The following GRID2 variants were observed in gnomAD, a reference collection of about 807,000 sequenced individuals.
GRID2 encodes glutamate ionotropic receptor delta type subunit 2.
A neutral mutation model predicts 114.8 loss-of-function variants in GRID2; 33 were observed. That is an observed-to-expected ratio of 0.29 (90% confidence interval 0.22 to 0.38). The LOEUF (loss-of-function observed/expected upper bound fraction) is 0.38. Among genes scored for constraint, GRID2 ranks in the 10% least tolerant of loss-of-function variants. The pLI, the probability that GRID2 is intolerant of heterozygous loss-of-function variation, is 1.00. For synonymous variants in GRID2, 505 were observed against 449.9 expected (o/e 1.12, Z -1.55); for missense variants, 1,184 against 1,257.7 (o/e 0.94, Z 0.89).
At chr4:92,713,476 C>CATATATATATATATAT (rs10593127) in intron 2 of GRID2, among the ~76,000 whole-genome samples, 12 of 54,030 alleles carry the variant, frequency 2.2e-4, no homozygotes, top group African/African-American at 2.1e-4. Flanking sequence ...TATACATATA[C>CATATATATATATATAT]ATATATATAT....
intron 2 of GRID2, among the ~76,000 whole-genome samples, chr4:93,051,907 G>T (rs577726834): frequency 6.6e-6 from 1 of 151,558 alleles, no homozygotes; most frequent in African/African-American, 2.4e-5. Context: ...TTATTTTGTA[G>T]GTAGTGTTTT....
intron 4 of GRID2, among the ~76,000 whole-genome samples, chr4:93,128,112 C>T (rs538957105): frequency 7.4e-6 from 1 of 134,518 alleles, no homozygotes; most frequent in Admixed American, 7.9e-5. Context: ...GTGAAAAAGT[C>T]AACTTAACCT....
At chr4:93,762,781 A>G (rs1733322316) in intron 14 of GRID2, among the ~76,000 whole-genome samples, 1 of 152,096 alleles carries the variant, frequency 6.6e-6, no homozygotes, top group Admixed American at 6.6e-5. Context: ...CAGGTTCAAT[A>G]ATCATTCCCA....
chr4:93,003,647 T>G (rs575007159), intron 2 of GRID2, among the ~76,000 whole-genome samples: 1 of 152,086 alleles, frequency 6.6e-6, no homozygotes, highest in East Asian at 1.9e-4. Context: ...TTAATAGCGG[T>G]GCTGGTGTCA....
At chr4:93,067,877 G>A (rs1020612274) in intron 2 of GRID2, among the ~76,000 whole-genome samples, 1 of 151,924 alleles carries the variant, frequency 6.6e-6, no homozygotes. Flanking sequence ...TCATATTACA[G>A]CATGTGTCCT....
chr4:92,537,787 GTGTGTGTGTGTGTGTGTGTGTGTGT>G (rs1725725250), intron 1 of GRID2, among the ~76,000 whole-genome samples: 11 of 102,546 alleles, frequency 1.1e-4, no homozygotes, highest in Admixed American at 3.4e-4. Context: ...AACTTGCGGT[GTGTGTGTGTGTGTGTGTGTGTGTGT>G]GTGTGTGTGT....
At chr4:93,405,679 G>T (rs371191518) in intron 9 of GRID2, among the ~76,000 whole-genome samples, 2 of 152,036 alleles carry the variant, frequency 1.3e-5, no homozygotes, top group South Asian at 4.1e-4. Context: ...TATTCTAACC[G>T]AAATTACATG....
intron 2 of GRID2, among the ~76,000 whole-genome samples, chr4:92,789,277 G>A (rs555461592): frequency 6.6e-6 from 1 of 151,754 alleles, no homozygotes; most frequent in Non-Finnish European, 1.5e-5. Context: ...CTATAATGTG[G>A]CTGAGAATTG....
intron 2 of GRID2, among the ~76,000 whole-genome samples, chr4:93,010,107 A>T (rs993906852): frequency 2.0e-5 from 3 of 152,016 alleles, no homozygotes; most frequent in African/African-American, 7.2e-5. Flanking sequence ...GCCACTTTTG[A>T]TATGCGTAGT....
chr4:92,867,595 T>G (rs1449831095), intron 2 of GRID2, among the ~76,000 whole-genome samples: 1 of 152,072 alleles, frequency 6.6e-6, no homozygotes, highest in African/African-American at 2.4e-5. Flanking sequence ...TTTTTTTTTT[T>G]TTGCATGTCA....
intron 1 of GRID2, among the ~76,000 whole-genome samples, chr4:92,360,163 A>G (rs1728543644): frequency 6.6e-6 from 1 of 151,992 alleles, no homozygotes; most frequent in Non-Finnish European, 1.5e-5. Context: ...TTTATAAGCA[A>G]TACATTGGCT....
intron 8 of GRID2, among the ~76,000 whole-genome samples, chr4:93,251,577 G>C (rs1748935158): frequency 1.3e-5 from 2 of 152,134 alleles, no homozygotes; most frequent in African/African-American, 4.8e-5. Context: ...CATGTCATGA[G>C]GGTTTGTTGT....
chr4:92,847,802 A>G (rs1743448633), intron 2 of GRID2, among the ~76,000 whole-genome samples: 1 of 152,064 alleles, frequency 6.6e-6, no homozygotes, highest in Admixed American at 6.6e-5. Context: ...TGGCAAACGA[A>G]CAAATCGTGT....
intron 14 of GRID2, among the ~76,000 whole-genome samples, chr4:93,674,023 AC>A (rs1490530538): frequency 6.8e-6 from 1 of 146,580 alleles, no homozygotes; most frequent in African/African-American, 2.5e-5. Flanking sequence ...TCTTTTCTTG[AC>A]CCCCACATTG....
At chr4:92,413,623 G>A (rs1345411222) in intron 1 of GRID2, among the ~76,000 whole-genome samples, 1 of 152,140 alleles carries the variant, frequency 6.6e-6, no homozygotes, top group Non-Finnish European at 1.5e-5. Flanking sequence ...TATGGAAAGT[G>A]TTTGGGAAGG....
chr4:92,682,923 G>T (rs1258793580), intron 2 of GRID2, among the ~76,000 whole-genome samples: 3 of 152,052 alleles, frequency 2.0e-5, no homozygotes, highest in African/African-American at 7.2e-5. Context: ...TCTTATGCTT[G>T]TAGCCACAGG....
intron 13 of GRID2, among the ~76,000 whole-genome samples, chr4:93,588,890 T>C (rs990029330): frequency 3.9e-5 from 6 of 152,060 alleles, no homozygotes; most frequent in Non-Finnish European, 8.8e-5. Flanking sequence ...AAGCAGCAGG[T>C]TCCTGATTTT....
chr4:92,757,422 A>T (rs1560575001), intron 2 of GRID2, among the ~76,000 whole-genome samples: 1 of 152,146 alleles, frequency 6.6e-6, no homozygotes, highest in African/African-American at 2.4e-5. Context: ...GTTGACAAAA[A>T]TATTTATTCA....
rs1349882080 is a variant in GRID2, at chr4:92,949,047, T to C, written c.245-135948T>C. Among the ~76,000 whole-genome samples, 3 of 151,720 alleles carry C rather than the reference T, an allele frequency of 2.0e-5. No homozygotes were observed. The East Asian group carries it at 5.8e-4, about 29-fold the overall frequency. ...TGCTTTTCTCTTAGTTGAATAACAG[T>C]ATCAGTCCTATAAGCATGTAATGAT... On this transcript the variant is annotated intron_variant, in intron 2 of 15. Coordinates refer to ENST00000282020, the MANE Select transcript of GRID2 (RefSeq NM_001510.4).
Sources: allele counts gnomAD v4.1 joint callset (sites outside exome capture counted in the v4.1 genomes callset), GRCh38; gene constraint gnomAD v4.1.1; transcripts MANE v1.5; gene names NCBI Gene and HGNC (gene_info 2026-07-23, HGNC 2026-07-21).